THSD7B: variants seen among roughly 807,000 people sequenced by gnomAD.
THSD7B encodes the protein thrombospondin type 1 domain containing 7B.
THSD7B carries 138 observed loss-of-function variants against 213.6 expected under a neutral mutation model. The ratio of observed to expected loss-of-function variants is 0.65; its 90% CI spans 0.56 to 0.74. The LOEUF is 0.74. Among genes scored for constraint, THSD7B ranks in the 30% least tolerant of loss-of-function variants. The pLI is 0.00. For missense variants in THSD7B, 1,931 were observed against 1,991.5 expected (o/e 0.97, Z 0.58); for synonymous variants, 742 against 687.0 (o/e 1.08, Z -1.25).
At chr2:137,414,416 A>G (rs573799182) in intron 14 of THSD7B, among the ~76,000 whole-genome samples, 1 of 152,232 alleles carries the variant, frequency 6.6e-6, no homozygotes, top group South Asian at 2.1e-4. Flanking sequence ...GTGTATATAT[A>G]TATATCCATC....
At chr2:136,847,853 A>C (rs751184748) in intron 1 of THSD7B, among the ~76,000 whole-genome samples, 1 of 152,202 alleles carries the variant, frequency 6.6e-6, no homozygotes, top group Non-Finnish European at 1.5e-5. Flanking sequence ...TTGAATGAAT[A>C]TATCAGAAGC....
At chr2:137,628,281 C>T (rs1682671169) in intron 20 of THSD7B, among the ~76,000 whole-genome samples, 1 of 152,180 alleles carries the variant, frequency 6.6e-6, no homozygotes, top group Non-Finnish European at 1.5e-5. Context: ...CCAAATTCTA[C>T]ACACTATACT....
intron 7 of THSD7B, among the ~76,000 whole-genome samples, chr2:137,209,219 T>C (rs554071034): frequency 1.3e-5 from 2 of 152,166 alleles, no homozygotes; most frequent in East Asian, 3.9e-4. Flanking sequence ...ATTGCTCCTT[T>C]CCAATGCCTG....
chr2:137,351,369 G>A (rs973848559), intron 12 of THSD7B, among the ~76,000 whole-genome samples: 39 of 151,976 alleles, frequency 2.6e-4, no homozygotes, highest in Admixed American at 3.9e-4. Context: ...TGTTCAGCAG[G>A]ACACAATATT....
chr2:137,492,515 C>T (rs764223230), intron 15 of THSD7B, among the ~76,000 whole-genome samples: 7 of 152,098 alleles, frequency 4.6e-5, no homozygotes, highest in Non-Finnish European at 1.0e-4. Context: ...CATCTGCCCT[C>T]AATACTTTTC....
intron 2 of THSD7B, among the ~76,000 whole-genome samples, chr2:136,904,609 C>T (rs1378436070): frequency 6.6e-6 from 1 of 152,156 alleles, no homozygotes; most frequent in Non-Finnish European, 1.5e-5. Flanking sequence ...TGGCAGGGGC[C>T]ATCTTCTTCC....
chr2:136,799,089 C>G (rs920240804), intron 1 of THSD7B, among the ~76,000 whole-genome samples: 2 of 151,942 alleles, frequency 1.3e-5, no homozygotes, highest in African/African-American at 4.8e-5. Flanking sequence ...TTTTTCTATT[C>G]TCCTTTACTA....
At chr2:136,822,311 T>A (rs573275366) in intron 1 of THSD7B, among the ~76,000 whole-genome samples, 18 of 152,330 alleles carry the variant, frequency 1.2e-4, no homozygotes, top group Admixed American at 1.0e-3. Flanking sequence ...TTCGGCCGTT[T>A]GTGTATTGAC....
intron 14 of THSD7B, among the ~76,000 whole-genome samples, chr2:137,419,292 C>T (rs772969664): frequency 2.0e-5 from 3 of 151,374 alleles, no homozygotes; most frequent in African/African-American, 4.8e-5. Flanking sequence ...GTCTGCCAGG[C>T]TGTGCCTGGC....
chr2:137,331,752 C>G (rs527993366), intron 12 of THSD7B, among the ~76,000 whole-genome samples: 2 of 152,162 alleles, frequency 1.3e-5, no homozygotes, highest in Admixed American at 6.5e-5. Context: ...AGCCCTGCCC[C>G]GAGGGAAGGC....
At chr2:137,221,530 T>C (rs1377791818) in intron 7 of THSD7B, among the ~76,000 whole-genome samples, 5 of 152,112 alleles carry the variant, frequency 3.3e-5, no homozygotes, top group Non-Finnish European at 7.4e-5. Flanking sequence ...AAAAAGAAAA[T>C]AGGCAACTTT....
At chr2:136,765,936 C>G (rs1171109208) in intron 1 of THSD7B, among the ~76,000 whole-genome samples, 1 of 152,240 alleles carries the variant, frequency 6.6e-6, no homozygotes, top group African/African-American at 2.4e-5. Context: ...TGCGGAGACC[C>G]TCTAGGCGGG....
intron 5 of THSD7B, among the ~76,000 whole-genome samples, chr2:137,137,804 A>G (rs1481258585): frequency 6.6e-6 from 1 of 152,060 alleles, no homozygotes. Context: ...GTAATATTCC[A>G]TTGTATGAAT....
At chr2:136,871,284 A>G (rs569010854) in intron 1 of THSD7B, among the ~76,000 whole-genome samples, 5 of 152,334 alleles carry the variant, frequency 3.3e-5, no homozygotes, top group South Asian at 4.1e-4. Flanking sequence ...AGAAGTAGAA[A>G]TAATGAATTG....
At chr2:137,533,723 C>A in intron 15 of THSD7B, among the ~76,000 whole-genome samples, 1 of 151,846 alleles carries the variant, frequency 6.6e-6, no homozygotes. Flanking sequence ...GAGCCCTTAG[C>A]CTGGGCTGCC....
At chr2:137,040,918 AATT>A (rs1686872032) in intron 2 of THSD7B, among the ~76,000 whole-genome samples, 1 of 152,202 alleles carries the variant, frequency 6.6e-6, no homozygotes, top group Non-Finnish European at 1.5e-5. Context: ...TCAGGACAGG[AATT>A]ATGAGGTACT....
intron 17 of THSD7B, among the ~76,000 whole-genome samples, chr2:137,579,015 A>G (rs1681520920): frequency 6.6e-6 from 1 of 152,204 alleles, no homozygotes; most frequent in African/African-American, 2.4e-5. Flanking sequence ...AAATCTTGGA[A>G]TCATTGCAGT....
At chr2:137,164,625 C>T (rs1005633012) in intron 6 of THSD7B, among the ~76,000 whole-genome samples, 8 of 152,150 alleles carry the variant, frequency 5.3e-5, no homozygotes, top group African/African-American at 1.9e-4. Context: ...TACTTGGAAC[C>T]AACCCAAATG....
chr2:137,500,011 G>A (rs1011239973), intron 15 of THSD7B, among the ~76,000 whole-genome samples: 1 of 152,154 alleles, frequency 6.6e-6, no homozygotes, highest in Non-Finnish European at 1.5e-5. Flanking sequence ...AAGGACTATA[G>A]CAGTATGTAA....
Sources: allele counts gnomAD v4.1 joint callset (sites outside exome capture counted in the v4.1 genomes callset), GRCh38; gene constraint gnomAD v4.1.1; transcripts MANE v1.5; gene names NCBI Gene and HGNC (gene_info 2026-07-23, HGNC 2026-07-21).